ASAP2: variants seen among roughly 807,000 people sequenced by gnomAD.
ASAP2 encodes the protein arf-GAP with SH3 domain, ANK repeat and PH domain-containing protein 2.
Under a neutral mutation model 131.4 loss-of-function variants are expected in ASAP2, and 45 were observed. The observed-to-expected ratio is 0.34, with a 90% confidence interval of 0.27 to 0.44. The LOEUF (loss-of-function observed/expected upper bound fraction) is 0.44. Among genes scored for constraint, ASAP2 ranks in the 20% least tolerant of loss-of-function variants. The pLI, the probability that ASAP2 is intolerant of heterozygous loss-of-function variation, is 1.00. For synonymous variants in ASAP2, 510 were observed against 503.0 expected, an observed-to-expected ratio of 1.01 and a Z score of -0.19; for missense variants, 1,011 against 1,297.0, an observed-to-expected ratio of 0.78 and a Z score of 3.39.
intron 1 of ASAP2, chr2:9,271,361 T>A: frequency 8.0e-7 from 1 of 1,244,488 alleles, no homozygotes; most frequent in South Asian, 1.2e-5. Context: ...TATATGTTCT[T>A]GCACCTGTCA....
At chr2:9,378,289 C>T (rs1312648591) in intron 18 of ASAP2, among the ~76,000 whole-genome samples, 1 of 152,164 alleles carries the variant, frequency 6.6e-6, no homozygotes, top group Non-Finnish European at 1.5e-5. Context: ...GAGGGCCTGT[C>T]CCATGTCTGC....
At chr2:9,394,858 TGGG>T (rs1393343636) in intron 24 of ASAP2, among the ~76,000 whole-genome samples, 1 of 152,184 alleles carries the variant, frequency 6.6e-6, no homozygotes, top group Non-Finnish European at 1.5e-5. Context: ...ACTCGAAGCC[TGGG>T]GGTGGTTGGA....
intron 3 of ASAP2, among the ~76,000 whole-genome samples, chr2:9,317,213 CCACACTCA>C (rs564714843): frequency 0.018 from 2,463 of 133,374 alleles, 84 homozygotes; most frequent in African/African-American, 0.062. Context: ...CCACTCACAT[CCACACTCA>C]CACAATCACA....
At position 9,389,574 on chromosome 2, in the gene ASAP2, T is replaced by C. The variant is rs1283341845; in HGVS notation, c.2383+1028T>C. Among the ~76,000 whole-genome samples the C allele has an allele frequency of 6.6e-6, 1 of 152,194 alleles. No homozygotes were observed. Among genetic ancestry groups the C allele is most frequent in the Admixed American group, 6.5e-5 (1 of 15,278 alleles). On this transcript the variant is annotated intron_variant, in intron 22 of 27. Coordinates refer to ENST00000281419, the MANE Select transcript of ASAP2 (RefSeq NM_003887.3). The surrounding 1 kb of genome is among the most constrained non-coding windows in gnomAD (Gnocchi z 4.7). ...ACACTCGGCTGTGCTGCTGGGCCCA[T>C]CTTCCCTGCCGTCCTGGGTGTCTCA...
intron 1 of ASAP2, among the ~76,000 whole-genome samples, chr2:9,240,875 G>C (rs1170682178): frequency 6.6e-6 from 1 of 152,190 alleles, no homozygotes; most frequent in African/African-American, 2.4e-5. Flanking sequence ...CACAGGCTCT[G>C]CAATACTGGG....
rs773518040 is a variant in ASAP2, at chr2:9,393,552, G to A, written c.2589G>A (p.Pro863=). The A allele has an allele frequency of 3.8e-5, 60 of 1,587,814 alleles. 1 individual carries two copies. Among genetic ancestry groups the A allele is most frequent in the South Asian group, 2.3e-5 (2 of 88,350 alleles). ...GCGTAATGGAAGCCTTGAGCCAGCC[G>A]AGCAAGCCTGCCCCGCCTGGGATCT... is the stretch of plus-strand genomic sequence containing the variant. ...TPSVMEALSQ[P]SKPAPPGISQ... The change falls in exon 24 of 28, where the codon CCG becomes CCA. Residue 863 remains proline, a synonymous_variant. Coordinates refer to ENST00000281419, the MANE Select transcript of ASAP2 (RefSeq NM_003887.3).
Position 9,391,194 on chromosome 2 carries a change from C to T in ASAP2, c.2516C>T (p.Thr839Ile). Residue 839 changes from threonine (T) to isoleucine (I), a missense_variant and splice_region_variant, in exon 23 of 28, where the codon ACC (threonine) becomes ATC (isoleucine). Physicochemically the swap from Thr to Ile is moderately conservative, Grantham distance 89. Coordinates refer to ENST00000281419, the MANE Select transcript of ASAP2 (RefSeq NM_003887.3). ...CTGCCCCCTCTTCGCGTGACATCTA[C>T]CAGTACGTTTTTTTCCTTTTTCCTT... ...PPLPPLRVTSTNPLTPTPPPP... is the reference protein window; with the variant it reads ...PPLPPLRVTSINPLTPTPPPP... 1 of 1,611,426 alleles carries T rather than the reference C, an allele frequency of 6.2e-7. No homozygotes were observed. The highest frequency in any genetic ancestry group is 8.5e-7 in the Non-Finnish European group (1 of 1,178,708).
At chr2:9,258,332 G>GTTTTTTTTTTTTTTTTT (rs769009726) in intron 1 of ASAP2, among the ~76,000 whole-genome samples, 1 of 112,546 alleles carries the variant, frequency 8.9e-6, no homozygotes, top group African/African-American at 3.8e-5. Context: ...GTAATCAGTA[G>GTTTTTTTTTTTTTTTTT]TTGTTTTTTT....
Position 9,331,815 on chromosome 2 carries a change from T to C in ASAP2, c.687-2923T>C, listed in dbSNP as rs375042900. Among the ~76,000 whole-genome samples, 4 of 152,048 alleles carry C rather than the reference T, an allele frequency of 2.6e-5. No individual in the cohort carries two copies. The South Asian group carries it at 8.3e-4, about 32-fold the overall frequency. Reference sequence around the variant, plus strand: ...TGAAAGGTGGTGATGAATGTTGAATTGACTTGTTCTTTGAGCCAATACCTG... The same window carrying C: ...TGAAAGGTGGTGATGAATGTTGAATCGACTTGTTCTTTGAGCCAATACCTG... On this transcript the variant is annotated intron_variant, in intron 7 of 27. Coordinates refer to ENST00000281419, the MANE Select transcript of ASAP2 (RefSeq NM_003887.3).
At chr2:9,214,062 A>T (rs1436232027) in intron 1 of ASAP2, among the ~76,000 whole-genome samples, 1 of 152,232 alleles carries the variant, frequency 6.6e-6, no homozygotes, top group Non-Finnish European at 1.5e-5. Flanking sequence ...GGGCATTGTC[A>T]GATGCCTGGG....
chr2:9,388,225 T>A (rs754449725), intron 21 of ASAP2, 69 bp from the exon 22 acceptor site: 148 of 1,590,356 alleles, frequency 9.3e-5, no homozygotes, highest in Non-Finnish European at 1.2e-4. Flanking sequence ...TTCACCCCTG[T>A]GTTGAATGTT....
chr2:9,256,353 T>G (rs1572268538), intron 1 of ASAP2, among the ~76,000 whole-genome samples: 1 of 152,112 alleles, frequency 6.6e-6, no homozygotes, highest in East Asian at 1.9e-4. Context: ...TGCCTTCACT[T>G]AAATGTCAGG....
intron 2 of ASAP2, among the ~76,000 whole-genome samples, chr2:9,285,162 T>G (rs1332092539): frequency 3.3e-5 from 5 of 152,278 alleles, no homozygotes; most frequent in Non-Finnish European, 4.4e-5. Flanking sequence ...AGGAAAAAGT[T>G]TTTGAATCCC....
At chr2:9,236,711 C>G (rs1663576813) in intron 1 of ASAP2, among the ~76,000 whole-genome samples, 1 of 152,184 alleles carries the variant, frequency 6.6e-6, no homozygotes, top group African/African-American at 2.4e-5. Context: ...ATGAGAGACA[C>G]AGACAGTGCA....
At chr2:9,377,968 C>T (rs1317068690) in intron 18 of ASAP2, among the ~76,000 whole-genome samples, 7 of 152,118 alleles carry the variant, frequency 4.6e-5, no homozygotes, top group Middle Eastern at 3.2e-3. Context: ...TTGATAGCTG[C>T]GTGATGCCTC....
At chr2:9,374,447 G>A (rs1477558557) in intron 16 of ASAP2, among the ~76,000 whole-genome samples, 1 of 152,208 alleles carries the variant, frequency 6.6e-6, no homozygotes, top group African/African-American at 2.4e-5. Context: ...AGAAGGGTGT[G>A]GAGGTGACGA....
At chr2:9,307,300 C>T (rs367984765) in intron 3 of ASAP2, among the ~76,000 whole-genome samples, 1 of 152,204 alleles carries the variant, frequency 6.6e-6, no homozygotes, top group African/African-American at 2.4e-5. Context: ...CTGAGAACCA[C>T]TGCCCCAAGG....
intron 11 of ASAP2, chr2:9,350,584 C>T (rs773192263): frequency 8.3e-5 from 38 of 456,102 alleles, no homozygotes; most frequent in Admixed American, 1.4e-4. Flanking sequence ...TTGTGTAGAC[C>T]ACCAAGGTGC....
At chr2:9,364,670 G>A (rs1572553327) in intron 15 of ASAP2, among the ~76,000 whole-genome samples, 1 of 152,222 alleles carries the variant, frequency 6.6e-6, no homozygotes, top group East Asian at 1.9e-4. Context: ...CTGAAAGAGA[G>A]CATGTGGAGA....
Sources: allele counts gnomAD v4.1 joint callset (sites outside exome capture counted in the v4.1 genomes callset), GRCh38; gene constraint gnomAD v4.1.1; non-coding constraint Gnocchi (gnomAD v3.1); transcripts MANE v1.5; gene names NCBI Gene and HGNC (gene_info 2026-07-23, HGNC 2026-07-21).